The following AOAH variants were observed in gnomAD, a reference collection of about 807,000 sequenced individuals.
The protein encoded by AOAH is acyloxyacyl hydrolase.
Under a neutral mutation model 92.2 loss-of-function variants are expected in AOAH, and 64 were observed. The observed-to-expected ratio is 0.69, with a 90% CI of 0.57 to 0.86. AOAH has a LOEUF of 0.86. AOAH is among the 40% of genes least tolerant of loss of function. The probability of loss-of-function intolerance (pLI) is 0.00; values close to 1 mark genes in which losing one functional copy is unlikely to be tolerated. For synonymous variants in AOAH, 263 were observed against 254.5 expected (o/e 1.03, Z -0.32); for missense variants, 656 against 694.6 (o/e 0.94, Z 0.62).
At chr7:36,654,283 G>C (rs988753075) in intron 4 of AOAH, among the ~76,000 whole-genome samples, 1 of 152,152 alleles carries the variant, frequency 6.6e-6, no homozygotes, top group African/African-American at 2.4e-5. Context: ...TTTCCTTCCT[G>C]TCCCTCTTCT....
chr7:36,582,553 A>T (rs2116693622), intron 12 of AOAH, among the ~76,000 whole-genome samples: 1 of 152,348 alleles, frequency 6.6e-6, no homozygotes, highest in African/African-American at 2.4e-5. Flanking sequence ...ACACAAAAAA[A>T]TCACTTTTTC....
At chr7:36,615,181 G>A (rs776158896) in intron 11 of AOAH, among the ~76,000 whole-genome samples, 91 of 152,304 alleles carry the variant, frequency 6.0e-4, no homozygotes, top group Admixed American at 3.7e-3. Context: ...TAATTTCAGT[G>A]ATTCCATCTG....
chr7:36,652,603 G>C (rs753019547), intron 4 of AOAH, among the ~76,000 whole-genome samples: 30 of 152,176 alleles, frequency 2.0e-4, no homozygotes, highest in Non-Finnish European at 1.2e-4. Context: ...GAGTGATGAA[G>C]GGTGATCTCA....
chr7:36,538,758 G>A (rs1438253790), intron 16 of AOAH, among the ~76,000 whole-genome samples: 1 of 152,234 alleles, frequency 6.6e-6, no homozygotes, highest in Non-Finnish European at 1.5e-5. Flanking sequence ...GAAGTTCCAT[G>A]TGTGATCATG....
chr7:36,664,046 C>CA (rs1394465360), intron 3 of AOAH, among the ~76,000 whole-genome samples: 5 of 47,930 alleles, frequency 1.0e-4, no homozygotes, highest in Non-Finnish European at 1.5e-4. Context: ...ATTTTAGGTT[C>CA]ATTTTTTTTT....
At position 36,638,040 on chromosome 7, in the gene AOAH, A is replaced by T. The variant is rs1219311875; in HGVS notation, c.391-130T>A. 4 of 752,922 alleles carry T rather than the reference A, an allele frequency of 5.3e-6. No individual in the cohort carries two copies. In the African/African-American group the frequency reaches 7.1e-5, roughly 13 times the overall value. 46.6% of individuals were successfully genotyped at this position (752,922 alleles called of 1,614,324 possible). ...AACCACTCCATAAATTTGTAATAAA[A>T]TAATTCACAAGAAGGCAATTTCACA... On this transcript the variant is annotated intron_variant, in intron 4 of 20. Transcript: ENST00000617537.
At chr7:36,543,221 C>T (rs1316876431) in intron 15 of AOAH, among the ~76,000 whole-genome samples, 2 of 152,160 alleles carry the variant, frequency 1.3e-5, no homozygotes, top group Non-Finnish European at 2.9e-5. Flanking sequence ...TGACGATTTG[C>T]GACTAGGTTG....
chr7:36,573,247 C>T (rs1190767062), intron 13 of AOAH, among the ~76,000 whole-genome samples: 1 of 152,202 alleles, frequency 6.6e-6, no homozygotes, highest in Non-Finnish European at 1.5e-5. Flanking sequence ...CTTCCCTCTT[C>T]CATGTGCTGG....
intron 1 of AOAH, among the ~76,000 whole-genome samples, chr7:36,703,292 C>G (rs11980063): frequency 7.9e-5 from 12 of 152,258 alleles, no homozygotes; most frequent in African/African-American, 2.9e-4. Context: ...TTCATGGCAT[C>G]TAAAATGGTA....
intron 13 of AOAH, among the ~76,000 whole-genome samples, chr7:36,559,683 G>T (rs1398979678): frequency 6.6e-6 from 1 of 152,014 alleles, no homozygotes; most frequent in East Asian, 1.9e-4. Flanking sequence ...TGAATATTTT[G>T]TAGGTTGTCT....
chr7:36,585,818 C>A (rs551267559), intron 12 of AOAH, among the ~76,000 whole-genome samples: 3 of 152,128 alleles, frequency 2.0e-5, no homozygotes, highest in Admixed American at 2.0e-4. Flanking sequence ...ACAGGGCTTT[C>A]TTCTAAGAAA....
intron 2 of AOAH, among the ~76,000 whole-genome samples, chr7:36,675,933 T>C (rs976732558): frequency 6.6e-6 from 1 of 152,172 alleles, no homozygotes; most frequent in African/African-American, 2.4e-5. Context: ...AATATAACAC[T>C]GCTTCATGAT....
chr7:36,513,392 A>T lies in AOAH; in HGVS notation c.1600-12T>A. ...AACAGCAAAGCCACCTGTGAGAGAG[A>T]ACCCAAAGGACGAGGAAAAGGGAAA... On this transcript the variant is annotated splice_polypyrimidine_tract_variant and intron_variant, in intron 20 of 20. Coordinates refer to ENST00000617537, the MANE Select transcript of AOAH (RefSeq NM_001637.4). The T allele has an allele frequency of 6.2e-7, 1 of 1,611,654 alleles. No homozygotes were observed. Among genetic ancestry groups the T allele is most frequent in the African/African-American group, 1.3e-5 (1 of 74,886 alleles).
chr7:36,657,045 G>A (rs1400199205), intron 4 of AOAH, among the ~76,000 whole-genome samples: 1 of 152,082 alleles, frequency 6.6e-6, no homozygotes, highest in African/African-American at 2.4e-5. Context: ...GTAATGTTAA[G>A]GGAACAAAGT....
At chr7:36,710,220 G>T (rs1798673733) in intron 1 of AOAH, among the ~76,000 whole-genome samples, 1 of 152,126 alleles carries the variant, frequency 6.6e-6, no homozygotes, top group Admixed American at 6.5e-5. Flanking sequence ...ATGTAATTAA[G>T]GACTCCAATC....
intron 1 of AOAH, among the ~76,000 whole-genome samples, chr7:36,712,808 C>T (rs554309027): frequency 6.6e-6 from 1 of 152,212 alleles, no homozygotes; most frequent in South Asian, 2.1e-4. Context: ...ACCAGGCCTG[C>T]CCTAAAAGAG....
At chr7:36,658,807 A>C (rs1474662708) in intron 4 of AOAH, among the ~76,000 whole-genome samples, 6 of 152,218 alleles carry the variant, frequency 3.9e-5, no homozygotes. Context: ...TGCTCATGGC[A>C]GGAAAGTCCT....
intron 11 of AOAH, among the ~76,000 whole-genome samples, chr7:36,611,303 G>A (rs1313679749): frequency 2.0e-5 from 3 of 152,130 alleles, no homozygotes; most frequent in Non-Finnish European, 2.9e-5. Context: ...GATAAGACTC[G>A]TGAATTCCAA....
At chr7:36,703,773 T>C (rs534897920) in intron 1 of AOAH, among the ~76,000 whole-genome samples, 6 of 152,342 alleles carry the variant, frequency 3.9e-5, no homozygotes, top group Non-Finnish European at 7.3e-5. Context: ...TAAACGTATG[T>C]GTGCATGTAT....
Sources: gnomAD v4.1 joint callset for allele counts (sites outside exome capture counted in the v4.1 genomes callset) on GRCh38, gnomAD v4.1.1 for gene constraint, MANE v1.5 for transcripts, NCBI Gene and HGNC (gene_info 2026-07-23, HGNC 2026-07-21) for gene names.